ADAMTS12: variants seen among roughly 807,000 people sequenced by gnomAD.
ADAMTS12 encodes the protein ADAM metallopeptidase with thrombospondin type 1 motif 12, also known as A disintegrin and metalloproteinase with thrombospondin motifs 12.
ADAMTS12 carries 118 observed loss-of-function variants against 167.8 expected under a neutral mutation model. That is an observed-to-expected ratio of 0.70 (90% CI 0.61 to 0.82). ADAMTS12 has a LOEUF of 0.82. Among genes scored for constraint, ADAMTS12 ranks in the 40% least tolerant of loss-of-function variants. The pLI, the probability that ADAMTS12 is intolerant of heterozygous loss-of-function variation, is 0.00. For synonymous variants in ADAMTS12, 704 were observed against 716.9 expected (o/e 0.98, Z 0.29); for missense variants, 1,916 against 1,998.8 (o/e 0.96, Z 0.79).
intron 2 of ADAMTS12, among the ~76,000 whole-genome samples, chr5:33,773,307 G>A (rs1444314205): frequency 6.6e-6 from 1 of 152,134 alleles, no homozygotes; most frequent in Non-Finnish European, 1.5e-5. Flanking sequence ...ATAGATAGTA[G>A]GCAGAGAAGT....
chr5:33,779,335 G>A (rs1031082146), intron 2 of ADAMTS12, among the ~76,000 whole-genome samples: 1 of 151,960 alleles, frequency 6.6e-6, no homozygotes, highest in Non-Finnish European at 1.5e-5. Flanking sequence ...ACAGGTGCCT[G>A]CCACCATGCC....
At chr5:33,647,658 G>A (rs1740725268) in intron 9 of ADAMTS12, among the ~76,000 whole-genome samples, 1 of 152,172 alleles carries the variant, frequency 6.6e-6, no homozygotes, top group African/African-American at 2.4e-5. Context: ...TTGAACTGGG[G>A]AGGCAGAGGT....
At chr5:33,629,812 A>C (rs1739837600) in intron 13 of ADAMTS12, among the ~76,000 whole-genome samples, 1 of 152,122 alleles carries the variant, frequency 6.6e-6, no homozygotes, top group Non-Finnish European at 1.5e-5. Context: ...GTCTTCCTTT[A>C]CCTTCCTAAA....
chr5:33,814,312 A>G (rs1460808920), intron 2 of ADAMTS12, among the ~76,000 whole-genome samples: 2 of 152,292 alleles, frequency 1.3e-5, no homozygotes, highest in Non-Finnish European at 1.5e-5. Context: ...TTCCATATAG[A>G]TATCTAATTC....
intron 16 of ADAMTS12, among the ~76,000 whole-genome samples, chr5:33,608,912 C>T (rs1004752884): frequency 2.6e-5 from 4 of 152,052 alleles, no homozygotes; most frequent in South Asian, 2.1e-4. Flanking sequence ...CTAGGATGCG[C>T]GCATATTTAA....
chr5:33,627,138 T>C (rs1739691537), intron 13 of ADAMTS12, among the ~76,000 whole-genome samples: 1 of 141,012 alleles, frequency 7.1e-6, no homozygotes, highest in African/African-American at 2.7e-5. Context: ...GATGTGGTGG[T>C]GGTGGTGGTG....
intron 2 of ADAMTS12, among the ~76,000 whole-genome samples, chr5:33,797,997 G>A (rs1310557992): frequency 2.6e-5 from 4 of 152,094 alleles, no homozygotes; most frequent in Non-Finnish European, 5.9e-5. Context: ...ACTGCCTCTT[G>A]GTAGGTAAGA....
intron 2 of ADAMTS12, among the ~76,000 whole-genome samples, chr5:33,857,424 A>C (rs1749446330): frequency 6.8e-6 from 1 of 147,322 alleles, no homozygotes; most frequent in Non-Finnish European, 1.5e-5. Flanking sequence ...TCTCATCACA[A>C]AAAAAAAAAA....
chr5:33,683,883 G>T lies in ADAMTS12; in HGVS notation c.807C>A (p.Ser269=). 6.3e-7 allele frequency: 1 copy of T among 1,577,566 alleles called. No homozygotes were observed. The highest frequency in any genetic ancestry group is 8.6e-7 in the Non-Finnish European group (1 of 1,161,274). The change falls in exon 4 of 24, where the codon TCC becomes TCA. Residue 269 remains serine, a synonymous_variant. Transcript: ENST00000504830. ...IEYHGSENVE[S]YILTIMNMVT... ...CCATGTTCATGATGGTGAGGATGTA[G>T]GACTCCACATTCTCACTCCCATGGT... is the stretch of plus-strand genomic sequence containing the variant.
intron 19 of ADAMTS12, among the ~76,000 whole-genome samples, chr5:33,575,701 G>C (rs534924849): frequency 9.3e-4 from 141 of 152,122 alleles, no homozygotes; most frequent in African/African-American, 3.3e-3. Flanking sequence ...TTAAGGATGG[G>C]GACTGCATAA....
At position 33,576,721 on chromosome 5, in the gene ADAMTS12, C is replaced by T; in HGVS notation, c.3305G>A (p.Ser1102Asn). The T allele has an allele frequency of 3.1e-6, 5 of 1,614,198 alleles. No homozygotes were observed. The South Asian group carries it at 3.3e-5, about 11-fold the overall frequency. The change falls in exon 19 of 24, where the codon AGT (serine) becomes AAT (asparagine). Residue 1102 changes from serine (S) to asparagine (N), a missense_variant. Transcript: ENST00000504830. ...LTSQSLSIQP[S>N]EENVSSSDTG... ...ATCTGAACTGGAAACATTTTCCTCA[C>T]TTGGCTGAATGCTCAAGGATTGGGA...
intron 3 of ADAMTS12, among the ~76,000 whole-genome samples, chr5:33,736,497 G>A (rs1744380659): frequency 6.6e-6 from 1 of 152,186 alleles, no homozygotes. Context: ...GAATTTTTGT[G>A]TTCATGGGCT....
chr5:33,853,475 C>T (rs188042251), intron 2 of ADAMTS12, among the ~76,000 whole-genome samples: 3 of 152,256 alleles, frequency 2.0e-5, no homozygotes, highest in South Asian at 2.1e-4. Flanking sequence ...TTGAACATAA[C>T]GCAACACAGC....
At chr5:33,884,234 C>A (rs1002585144) in intron 1 of ADAMTS12, among the ~76,000 whole-genome samples, 49 of 152,324 alleles carry the variant, frequency 3.2e-4, no homozygotes, top group Non-Finnish European at 1.2e-4. Flanking sequence ...TTCCTATCTT[C>A]TACCCCTTTA....
intron 17 of ADAMTS12, among the ~76,000 whole-genome samples, chr5:33,595,184 A>G (rs767948197): frequency 4.7e-5 from 7 of 150,206 alleles, no homozygotes; most frequent in Non-Finnish European, 5.9e-5. Context: ...TTTTTTAAAC[A>G]TAAGCCTGGC....
At chr5:33,832,816 G>A (rs375849161) in intron 2 of ADAMTS12, among the ~76,000 whole-genome samples, 4 of 152,094 alleles carry the variant, frequency 2.6e-5, no homozygotes, top group East Asian at 3.9e-4. Flanking sequence ...CCATTCCCTC[G>A]GACTCTCACA....
chr5:33,543,905 A>T (rs546380604), intron 22 of ADAMTS12, among the ~76,000 whole-genome samples: 11 of 152,328 alleles, frequency 7.2e-5, no homozygotes, highest in Admixed American at 2.6e-4. Flanking sequence ...AGCCAATATT[A>T]TACTGAATAG....
chr5:33,629,842 G>T (rs57005451), intron 13 of ADAMTS12, among the ~76,000 whole-genome samples: 52,546 of 151,924 alleles, frequency 0.35, 10,248 homozygotes, highest in African/African-American at 0.54. Context: ...AGTTAACTGT[G>T]GCATACATAT....
intron 23 of ADAMTS12, among the ~76,000 whole-genome samples, chr5:33,533,667 A>G (rs79364639): frequency 0.011 from 1,658 of 152,312 alleles, 32 homozygotes; most frequent in African/African-American, 0.038. Flanking sequence ...GCTTCCTGTG[A>G]TAATCACACC....
Sources: gnomAD v4.1 joint callset for allele counts (sites outside exome capture counted in the v4.1 genomes callset) on GRCh38, gnomAD v4.1.1 for gene constraint, MANE v1.5 for transcripts, NCBI Gene and HGNC (gene_info 2026-07-23, HGNC 2026-07-21) for gene names.